The following AQR variants were observed in gnomAD, a reference collection of about 807,000 sequenced individuals.
The protein encoded by AQR is RNA helicase aquarius.
Under a neutral mutation model 180.5 loss-of-function variants are expected in AQR, and 61 were observed. The ratio of observed to expected loss-of-function variants is 0.34; its 90% CI spans 0.28 to 0.42. The LOEUF is 0.42. AQR is among the 10% of genes least tolerant of loss of function. The pLI is 1.00. For missense variants in AQR, 1,281 were observed against 1,798.3 expected, an observed-to-expected ratio of 0.71 and a Z score of 5.20; for synonymous variants, 551 against 588.8, an observed-to-expected ratio of 0.94 and a Z score of 0.93.
chr15:34,955,298 A>G (rs949727944), intron 3 of AQR, among the ~76,000 whole-genome samples: 2 of 152,124 alleles, frequency 1.3e-5, no homozygotes, highest in Admixed American at 6.6e-5. Context: ...AAATCCTTCC[A>G]AAGTTGAATA....
chr15:34,920,399 C>T lies in AQR; in HGVS notation c.1154G>A (p.Cys385Tyr), dbSNP rs374634573. ...ATTTTTAGGAAGAGTTGGCAACAAG[C>T]AGAGGTATGATGCCACCTGGTGGAG... ...NTLHQVASYL[C>Y]LLPTLPKNED... The change falls in exon 14 of 35, where the codon TGC becomes TAC. Residue 385 changes from cysteine to tyrosine, a missense_variant. Cys to Tyr is a radical substitution (Grantham distance 194, BLOSUM62 -2). Around this residue, in one of 9 missense-constraint regions of AQR, gnomAD observed 404 missense variants for 490.9 expected, o/e 0.82. Transcript: ENST00000156471. 56 of 1,613,568 alleles carry T rather than the reference C, an allele frequency of 3.5e-5. No individual in the cohort carries two copies. The highest frequency in any genetic ancestry group is 4.6e-5 in the Non-Finnish European group (54 of 1,179,844).
intron 2 of AQR, 119 bp from the exon 3 acceptor site, chr15:34,960,933 ACTG>A (rs2050272601): frequency 4.8e-6 from 2 of 420,036 alleles, no homozygotes; most frequent in Non-Finnish European, 8.5e-6. Context: ...ATCAAATATT[ACTG>A]CTATTGAAAT....
intron 31 of AQR, chr15:34,868,140 G>A (rs1425909457): frequency 1.3e-5 from 2 of 152,978 alleles, no homozygotes; most frequent in African/African-American, 4.8e-5. Context: ...AGACCAGCCT[G>A]GGCAATGCGG....
intron 34 of AQR, among the ~76,000 whole-genome samples, chr15:34,858,927 T>G (rs189601678): frequency 1.5e-4 from 23 of 152,322 alleles, no homozygotes; most frequent in Non-Finnish European, 1.9e-4. Context: ...ATATAAAAAT[T>G]AACTCAAAAT....
Position 34,882,523 on chromosome 15 carries a change from G to A in AQR, c.3144C>T (p.Asp1048=). Reference sequence around the variant, plus strand: ...TTACCTTGAAACCTAGCTTGACCAAGTCATGTCGTTTTAAGGCAGCATGAG... The same window carrying A: ...TTACCTTGAAACCTAGCTTGACCAAATCATGTCGTTTTAAGGCAGCATGAG... ...TCTHAALKRH[D]LVKLGFKYDN... is the part of the protein sequence containing the mutation. Residue 1048 remains aspartate, a synonymous_variant, in exon 27 of 35, where the codon GAC becomes GAT. Coordinates refer to ENST00000156471, the MANE Select transcript of AQR (RefSeq NM_014691.3). 1 of 1,579,066 alleles carries A rather than the reference G, an allele frequency of 6.3e-7. No homozygotes were observed. The highest frequency in any genetic ancestry group is 8.6e-7 in the Non-Finnish European group (1 of 1,164,370).
At chr15:34,928,563 A>G (rs1893801622) in intron 12 of AQR, among the ~76,000 whole-genome samples, 1 of 152,128 alleles carries the variant, frequency 6.6e-6, no homozygotes, top group African/African-American at 2.4e-5. Context: ...TCCATGGTGT[A>G]TATGTGCCAC....
rs375146895 is a variant in AQR, at chr15:34,969,528, C to A, written c.75+11G>T. ...TACCCACTCACACACACCAGACTCG[C>A]CCGAGCTCACCTGGGTCACGAACTC... On this transcript the variant is annotated intron_variant, in intron 1 of 34. Coordinates refer to ENST00000156471, the MANE Select transcript of AQR (RefSeq NM_014691.3). 8.4e-5 allele frequency: 135 copies of A among 1,613,390 alleles called. No homozygotes were observed. Among genetic ancestry groups the A allele is most frequent in the Non-Finnish European group, 1.1e-4 (127 of 1,179,996 alleles).
At chr15:34,967,372 C>T (rs1417362027) in intron 1 of AQR, among the ~76,000 whole-genome samples, 1 of 152,204 alleles carries the variant, frequency 6.6e-6, no homozygotes, top group Non-Finnish European at 1.5e-5. Flanking sequence ...GTTTCATTTT[C>T]CTCATAGCAT....
chr15:34,924,200 A>T (rs1488012635), intron 13 of AQR, among the ~76,000 whole-genome samples: 1 of 152,206 alleles, frequency 6.6e-6, no homozygotes, highest in African/African-American at 2.4e-5. Flanking sequence ...GATAAAGCTT[A>T]TCAAAATACA....
chr15:34,876,483 G>C (rs1225386685), intron 27 of AQR, among the ~76,000 whole-genome samples: 2 of 151,960 alleles, frequency 1.3e-5, no homozygotes, highest in African/African-American at 4.8e-5. Context: ...TCCATCACCA[G>C]AGCATGTCAA....
At chr15:34,926,809 G>A (rs1029901584) in intron 13 of AQR, among the ~76,000 whole-genome samples, 1 of 152,036 alleles carries the variant, frequency 6.6e-6, no homozygotes, top group African/African-American at 2.4e-5. Context: ...ATTTCAGATC[G>A]AAGAAAATTG....
At chr15:34,908,376 C>T (rs1195686212) in intron 17 of AQR, among the ~76,000 whole-genome samples, 1 of 151,750 alleles carries the variant, frequency 6.6e-6, no homozygotes, top group Non-Finnish European at 1.5e-5. Context: ...GTGGAGGTTG[C>T]AGTGAGCCGA....
chr15:34,951,667 C>CAA (rs35929298), intron 4 of AQR, among the ~76,000 whole-genome samples: 27 of 74,830 alleles, frequency 3.6e-4, no homozygotes, highest in African/African-American at 6.2e-4. Flanking sequence ...GAGACTGTCT[C>CAA]AAAAAAAAAA....
rs916272294 is a variant in AQR, at chr15:34,858,330, A to G, written c.4144-1224T>C. ...CGTGCACGACAGCAGCAAAAAAAAA[A>G]AAAAAAAAAAAGAAAACGAAAAAGA... On this transcript the variant is annotated intron_variant, in intron 34 of 34. Transcript: ENST00000156471. Among the ~76,000 whole-genome samples the G allele has an allele frequency of 5.4e-4, 82 of 150,592 alleles. 1 individual carries two copies. Among genetic ancestry groups the G allele is most frequent in the African/African-American group, 1.6e-3 (64 of 41,258 alleles).
intron 12 of AQR, among the ~76,000 whole-genome samples, chr15:34,928,631 T>C (rs182127437): frequency 3.1e-3 from 465 of 152,296 alleles, no homozygotes; most frequent in Non-Finnish European, 4.8e-3. Flanking sequence ...ATACTATAAA[T>C]AGTGCTGCAA....
chr15:34,936,212 C>T (rs989787919), intron 9 of AQR, among the ~76,000 whole-genome samples: 19 of 152,300 alleles, frequency 1.2e-4, no homozygotes, highest in Non-Finnish European at 1.6e-4. Flanking sequence ...AGATTTCCAA[C>T]AACTCATCTG....
intron 23 of AQR, among the ~76,000 whole-genome samples, chr15:34,891,200 TC>T (rs2140471524): frequency 6.6e-6 from 1 of 152,152 alleles, no homozygotes; most frequent in Admixed American, 6.5e-5. Flanking sequence ...TCCCCCACTA[TC>T]CAAACTCTTG....
At chr15:34,874,465 A>C in intron 29 of AQR, 1 of 523,604 alleles carries the variant, frequency 1.9e-6, no homozygotes, top group Non-Finnish European at 3.3e-6. Context: ...AAGTTACTTA[A>C]ATTAATATTA....
intron 3 of AQR, among the ~76,000 whole-genome samples, chr15:34,957,698 T>A: frequency 8.2e-6 from 1 of 121,876 alleles, no homozygotes; most frequent in African/African-American, 2.9e-5. Context: ...CGAAACTCCG[T>A]CTCAAAAAAA....
Sources: gnomAD v4.1 joint callset for allele counts (sites outside exome capture counted in the v4.1 genomes callset) on GRCh38, gnomAD v4.1.1 for gene constraint, gnomAD v4.1.1 regional missense constraint, MANE v1.5 for transcripts, NCBI Gene and HGNC (gene_info 2026-07-23, HGNC 2026-07-21) for gene names.